Variants in DLGAP2 observed in about 807,000 individuals in gnomAD.
DLGAP2 encodes the protein DLG associated protein 2, also known as disks large-associated protein 2.
A neutral mutation model predicts 100.3 loss-of-function variants in DLGAP2; 26 were observed. That is an observed-to-expected ratio of 0.26 (90% confidence interval 0.19 to 0.36). DLGAP2 has a LOEUF of 0.36. Among genes scored for constraint, DLGAP2 ranks in the 10% least tolerant of loss-of-function variants. The pLI is 1.00. For missense variants in DLGAP2, 1,858 were observed against 1,453.2 expected, an observed-to-expected ratio of 1.28 and a Z score of -4.53; for synonymous variants, 886 against 630.1, an observed-to-expected ratio of 1.41 and a Z score of -6.08.
At chr8:1,528,485 C>T (rs180734844) in intron 4 of DLGAP2, among the ~76,000 whole-genome samples, 8 of 152,348 alleles carry the variant, frequency 5.3e-5, no homozygotes, top group Admixed American at 3.9e-4. Context: ...GGCGGTGCCT[C>T]CACCAGGAGC....
intron 2 of DLGAP2, among the ~76,000 whole-genome samples, chr8:1,211,665 C>T (rs554954877): frequency 5.9e-5 from 9 of 152,234 alleles, no homozygotes; most frequent in South Asian, 2.1e-4. Context: ...CACCTGAGGT[C>T]GGGAGTTCGA....
chr8:1,549,018 C>G lies in DLGAP2; in HGVS notation c.565C>G (p.Pro189Ala). 1 of 1,597,422 alleles carries G rather than the reference C, an allele frequency of 6.3e-7. No individual in the cohort carries two copies. The highest frequency in any genetic ancestry group is 8.5e-7 in the Non-Finnish European group (1 of 1,177,532). Residue 189 changes from proline to alanine, a missense_variant, in exon 5 of 15, where the codon CCG becomes GCG. Transcript: ENST00000637795. ...CGCGGGCGCCAAGATCAACCGCATC[C>G]CGGCCAACCTGCTGGACCAGTTCGA... ...AHAGAKINRI[P>A]ANLLDQFEKQ...
intron 3 of DLGAP2, chr8:1,380,937 C>A (rs1389764482): frequency 6.9e-3 from 535 of 77,006 alleles, no homozygotes; most frequent in Middle Eastern, 0.012. Context: ...GAACATGATT[C>A]AAAAAAAAAA....
At chr8:883,678 G>T (rs1177334443) in intron 1 of DLGAP2, among the ~76,000 whole-genome samples, 1 of 151,978 alleles carries the variant, frequency 6.6e-6, no homozygotes, top group South Asian at 2.1e-4. Flanking sequence ...CGCGTGTGCC[G>T]CGGCGGTTCG....
At chr8:1,310,141 C>T (rs1471367893) in intron 3 of DLGAP2, among the ~76,000 whole-genome samples, 1 of 150,700 alleles carries the variant, frequency 6.6e-6, no homozygotes. Context: ...TATGTTTAAT[C>T]CTAATATTAT....
At chr8:774,619 T>G (rs1227156132) in intron 1 of DLGAP2, among the ~76,000 whole-genome samples, 1 of 150,874 alleles carries the variant, frequency 6.6e-6, no homozygotes, top group Non-Finnish European at 1.5e-5. Context: ...CTTTCCCCAT[T>G]GCTTGTTTTT....
At chr8:1,195,165 C>A (rs932959505) in intron 2 of DLGAP2, among the ~76,000 whole-genome samples, 2 of 152,244 alleles carry the variant, frequency 1.3e-5, no homozygotes, top group African/African-American at 4.8e-5. Flanking sequence ...CAGTGAACAT[C>A]TGAAGAGACG....
At chr8:1,042,480 C>A (rs1802381510) in intron 2 of DLGAP2, among the ~76,000 whole-genome samples, 1 of 152,198 alleles carries the variant, frequency 6.6e-6, no homozygotes, top group Admixed American at 6.5e-5. Context: ...CGTAGGCCTG[C>A]AGTCGTGTTC....
At chr8:1,040,591 A>G (rs1262873232) in intron 2 of DLGAP2, among the ~76,000 whole-genome samples, 967 of 43,728 alleles carry the variant, frequency 0.022, no homozygotes, top group Middle Eastern at 0.03. Flanking sequence ...TGGTCGGCTC[A>G]GTGTGCGTGG....
chr8:1,505,559 T>C (rs926341107), intron 4 of DLGAP2, among the ~76,000 whole-genome samples: 1 of 152,218 alleles, frequency 6.6e-6, no homozygotes, highest in African/African-American at 2.4e-5. Context: ...TAGAGTGTAA[T>C]GTATGAAAAG....
chr8:812,264 C>T (rs930067794), intron 1 of DLGAP2, among the ~76,000 whole-genome samples: 1 of 152,168 alleles, frequency 6.6e-6, no homozygotes, highest in Non-Finnish European at 1.5e-5. Context: ...GGCCCCATGA[C>T]CTTCTGCGTG....
intron 1 of DLGAP2, among the ~76,000 whole-genome samples, chr8:786,265 C>T (rs1017019676): frequency 1.3e-5 from 2 of 152,146 alleles, no homozygotes; most frequent in Non-Finnish European, 2.9e-5. Flanking sequence ...CGAAAGCCTG[C>T]AGAGAGGGTG....
Position 1,094,871 on chromosome 8 carries a change from C to T in DLGAP2, c.74-163980C>T, listed in dbSNP as rs149897821. Among the ~76,000 whole-genome samples the T allele has an allele frequency of 9.7e-4, 148 of 152,332 alleles. 1 individual carries two copies. Among genetic ancestry groups the T allele is most frequent in the African/African-American group, 3.1e-3 (130 of 41,568 alleles). On this transcript the variant is annotated intron_variant, in intron 2 of 14. Transcript: ENST00000637795. ...CAAGCAAACGTCCTGACCCCTTGGG[C>T]GAGTGTTTCCTTTTCTTTGGTTTTG... is the stretch of plus-strand genomic sequence containing the variant.
At chr8:756,896 T>C (rs980914113) in intron 1 of DLGAP2, among the ~76,000 whole-genome samples, 4 of 152,178 alleles carry the variant, frequency 2.6e-5, no homozygotes, top group African/African-American at 7.2e-5. Context: ...CTGCATGCGG[T>C]GTTTTCTGTT....
At chr8:1,476,420 C>G (rs565815589) in intron 3 of DLGAP2, among the ~76,000 whole-genome samples, 7 of 152,182 alleles carry the variant, frequency 4.6e-5, no homozygotes, top group Non-Finnish European at 1.0e-4. Context: ...CCCCTCTACA[C>G]TCCAAGGGCG....
At chr8:870,215 G>C (rs1028318673) in intron 1 of DLGAP2, among the ~76,000 whole-genome samples, 2 of 152,056 alleles carry the variant, frequency 1.3e-5, no homozygotes, top group East Asian at 3.9e-4. Flanking sequence ...TTTTCTCGCC[G>C]ATATTTCTCC....
intron 1 of DLGAP2, among the ~76,000 whole-genome samples, chr8:796,108 CT>C (rs1796031533): frequency 8.8e-6 from 1 of 113,452 alleles, no homozygotes; most frequent in Non-Finnish European, 1.8e-5. Context: ...GTGAGAGCAG[CT>C]GTCCAGTGAG....
intron 2 of DLGAP2, among the ~76,000 whole-genome samples, chr8:1,074,240 T>C (rs1432430460): frequency 6.6e-6 from 1 of 150,570 alleles, no homozygotes; most frequent in Non-Finnish European, 1.5e-5. Flanking sequence ...CAGGATTCAC[T>C]GTAACAGAAG....
chr8:1,520,502 C>T (rs762573027), intron 4 of DLGAP2, among the ~76,000 whole-genome samples: 25 of 152,228 alleles, frequency 1.6e-4, no homozygotes, highest in Non-Finnish European at 3.1e-4. Flanking sequence ...TGGGTTTGGA[C>T]GAGTGTTTAA....
Sources: allele counts gnomAD v4.1 joint callset (sites outside exome capture counted in the v4.1 genomes callset), GRCh38; gene constraint gnomAD v4.1.1; transcripts MANE v1.5; gene names NCBI Gene and HGNC (gene_info 2026-07-23, HGNC 2026-07-21).